Variants in ZNF200 observed in about 807,000 individuals in gnomAD.
ZNF200 encodes the protein zinc finger protein 200.
ZNF200 carries 35 observed loss-of-function variants against 33.6 expected under a neutral mutation model. The ratio of observed to expected loss-of-function variants is 1.04; its 90% CI spans 0.80 to 1.38. The LOEUF is 1.38. Ranked by LOEUF, ZNF200 falls within the 40% of genes most tolerant of loss-of-function variation. The pLI is 0.00. For synonymous variants in ZNF200, 209 were observed against 167.7 expected (o/e 1.25, Z -1.90); for missense variants, 592 against 470.6 (o/e 1.26, Z -2.39).
At position 3,223,392 on chromosome 16, in the gene ZNF200, C is replaced by G; in HGVS notation, c.*500G>C. 6.5e-6 allele frequency: 1 copy of G among 152,846 alleles called. No homozygotes were observed. The highest frequency in any genetic ancestry group is 1.9e-4 in the East Asian group (1 of 5,212). 9.5% of individuals were successfully genotyped at this position (152,846 alleles called of 1,614,324 possible). A position where few individuals can be genotyped will look rare whatever the true frequency, so the allele number is the denominator to read the frequency against. On this transcript the variant is annotated 3_prime_UTR_variant, in exon 5 of 5. Coordinates refer to ENST00000414144, the MANE Select transcript of ZNF200 (RefSeq NM_198088.3). ...TTCCTTTCAACACTCAAGACTTAAA[C>G]AGGTATTCTTAGAGGGTTATATGAA...
At chr16:3,226,030 A>C in intron 4 of ZNF200, 1 of 145,712 alleles carries the variant, frequency 6.9e-6, no homozygotes, top group Non-Finnish European at 1.5e-5. Flanking sequence ...CCCCACACCC[A>C]GCCTTAATTA....
In ZNF200 at chr16:3,232,408, T is replaced by G. The variant is rs1567223414; in HGVS notation, c.466+13A>C. The G allele has an allele frequency of 1.9e-6, 3 of 1,612,648 alleles. No individual in the cohort carries two copies. The highest frequency in any genetic ancestry group is 1.7e-4 in the Middle Eastern group (1 of 6,054). Reference sequence around the variant, plus strand: ...GCAAACAACCTGAACACACAAAGGCTGTGATTTCTTACCCAGTAACATCAT... The same window carrying G: ...GCAAACAACCTGAACACACAAAGGCGGTGATTTCTTACCCAGTAACATCAT... On this transcript the variant is annotated intron_variant, in intron 4 of 4. Transcript: ENST00000414144.
At position 3,224,609 on chromosome 16, in the gene ZNF200, G is replaced by A. The variant is rs1958420825; in HGVS notation, c.471C>T (p.Val157=). Residue 157 remains valine (V), a synonymous_variant, in exon 5 of 5, where the codon GTC becomes GTT. Transcript: ENST00000414144. ...CTTCACCTTCAGGATTACTGCCATT[G>A]ACTGCTGAAACAAAGAGAGAATTTA... ...SSVGEMMLLA[V]NGSNPEGEDP... 6.3e-7 allele frequency: 1 copy of A among 1,586,872 alleles called. No individual in the cohort carries two copies. Among genetic ancestry groups the A allele is most frequent in the South Asian group, 1.1e-5 (1 of 88,152 alleles).
chr16:3,224,498 C>A lies in ZNF200; in HGVS notation c.582G>T (p.Gln194His). ...DDEMDSSLVS[Q>H]QPPDNQEKER... is the part of the protein sequence containing the mutation. ...CCTTTTCCTGGTTATCGGGAGGCTG[C>A]TGAGAGACCAAGGAAGAATCCATTT... The change falls in exon 5 of 5, where the codon CAG becomes CAT. Residue 194 changes from glutamine (Q) to histidine (H), a missense_variant. By Grantham distance (24) the Gln-to-His change is conservative. Coordinates refer to ENST00000414144, the MANE Select transcript of ZNF200 (RefSeq NM_198088.3). 1 of 1,614,148 alleles carries A rather than the reference C, an allele frequency of 6.2e-7. No individual in the cohort carries two copies. Among genetic ancestry groups the A allele is most frequent in the Admixed American group, 1.7e-5 (1 of 60,010 alleles).
chr16:3,223,631 T>C lies in ZNF200; in HGVS notation c.*261A>G. 1 of 380,316 alleles carries C rather than the reference T, an allele frequency of 2.6e-6. No individual in the cohort carries two copies. The highest frequency in any genetic ancestry group is 4.6e-6 in the Non-Finnish European group (1 of 215,192). 23.6% of individuals were successfully genotyped at this position (380,316 alleles called of 1,614,324 possible). On this transcript the variant is annotated 3_prime_UTR_variant, in exon 5 of 5. Coordinates refer to ENST00000414144, the MANE Select transcript of ZNF200 (RefSeq NM_198088.3). ...GTGTTGGGAAAGGGGATCTGTGACC[T>C]GTACATTATCATATAACTTCAAAAA...
At chr16:3,227,826 T>C (rs374432008) in intron 4 of ZNF200, 1 of 152,208 alleles carries the variant, frequency 6.6e-6, no homozygotes, top group Non-Finnish European at 1.5e-5. Context: ...GGACAATTCT[T>C]TATACCAGTG....
chr16:3,232,939 TTTAG>T lies in ZNF200; in HGVS notation c.251-22_251-19del, dbSNP rs1596342624. On this transcript the variant is annotated intron_variant, in intron 2 of 4. Transcript: ENST00000414144. ...AGGATGCACTGGGGAAAGAGGAAGG[TTTAG>T]TTAGTGAAAAACTCAGTGACTCTAA... 2.5e-6 allele frequency: 4 copies of T among 1,611,030 alleles called. 1 individual carries two copies. Among genetic ancestry groups the T allele is most frequent in the East Asian group, 2.2e-5 (1 of 44,854 alleles).
chr16:3,224,181 C>A lies in ZNF200; in HGVS notation c.899G>T (p.Arg300Leu). The A allele has an allele frequency of 6.2e-7, 1 of 1,614,156 alleles. No individual in the cohort carries two copies. The highest frequency in any genetic ancestry group is 8.5e-7 in the Non-Finnish European group (1 of 1,180,038). ...NHKTNLNKHE[R>L]IHTGEKPYSC... ...ATAAGGTTTCTCTCCTGTATGAATTCGCTCATGTTTATTGAGGTTTGTTTT... is the reference window on the plus strand; with the variant it reads ...ATAAGGTTTCTCTCCTGTATGAATTAGCTCATGTTTATTGAGGTTTGTTTT... The change falls in exon 5 of 5, where the codon CGA (arginine) becomes CTA (leucine). Residue 300 changes from arginine to leucine, a missense_variant. Arg to Leu is a moderately radical substitution (Grantham distance 102). Transcript: ENST00000414144.
chr16:3,228,820 G>A (rs1415145144), intron 4 of ZNF200, among the ~76,000 whole-genome samples: 4 of 152,078 alleles, frequency 2.6e-5, no homozygotes, highest in South Asian at 4.1e-4. Flanking sequence ...ATTTCAACAC[G>A]AGATTTGGAG....
chr16:3,233,930 T>A, intron 1 of ZNF200, 94 bp from the exon 2 acceptor site: 2 of 959,308 alleles, frequency 2.1e-6, no homozygotes, highest in Non-Finnish European at 2.9e-6. Context: ...ACATGAGATC[T>A]AAAGAAAACG....
At position 3,223,905 on chromosome 16, in the gene ZNF200, C is replaced by T. The variant is rs61731422; in HGVS notation, c.1175G>A (p.Arg392Gln). 49,667 of 1,610,688 alleles carry T rather than the reference C, an allele frequency of 0.031. 872 individuals carry two copies. Among genetic ancestry groups the T allele is most frequent in the Non-Finnish European group, 0.036 (42,204 of 1,178,236 alleles). ...GGGTTCCCAGTATTACTTCTGCTTTCGGGTCTTACAGGCTGAGTGGGTTTT... is the reference window on the plus strand; with the variant it reads ...GGGTTCCCAGTATTACTTCTGCTTTTGGGTCTTACAGGCTGAGTGGGTTTT... ...HEKTHSACKTRKQK is the reference protein window; with the variant it reads ...HEKTHSACKTQKQK The change falls in exon 5 of 5, where the codon CGA becomes CAA. Residue 392 changes from arginine (R) to glutamine (Q), a missense_variant. By Grantham distance (43) the Arg-to-Gln change is conservative (BLOSUM62 1). Transcript: ENST00000414144.
At chr16:3,228,830 G>A (rs1411465048) in intron 4 of ZNF200, among the ~76,000 whole-genome samples, 1 of 152,070 alleles carries the variant, frequency 6.6e-6, no homozygotes, top group Non-Finnish European at 1.5e-5. Flanking sequence ...GAGATTTGGA[G>A]GGGACAAATA....
At chr16:3,234,890 C>G (rs1958762931) in intron 1 of ZNF200, 97 bp downstream of exon 1, 2 of 152,352 alleles carry the variant, frequency 1.3e-5, no homozygotes, top group African/African-American at 2.4e-5. Context: ...GAGGCGCTCA[C>G]CAGGCTCCCT....
Position 3,233,662 on chromosome 16 carries a change from G to T in ZNF200, c.94C>A (p.Leu32Ile). ...TTGGGCCCGTTAGTGGCATCTCGAA[G>T]TAGGTCTTGGCCCAGCTTGGAGTCT... ...PPDSKLGQDL[L>I]RDATNGPKTI... Residue 32 changes from leucine to isoleucine, a missense_variant, in exon 2 of 5, where the codon CTT (leucine) becomes ATT (isoleucine). By Grantham distance (5) the Leu-to-Ile change is conservative. Transcript: ENST00000414144. The T allele has an allele frequency of 6.2e-7, 1 of 1,613,944 alleles. No individual in the cohort carries two copies. Among genetic ancestry groups the T allele is most frequent in the South Asian group, 1.1e-5 (1 of 91,086 alleles).
Position 3,222,989 on chromosome 16 carries a change from A to G in ZNF200, c.*903T>C, listed in dbSNP as rs114316315. The G allele has an allele frequency of 1.2e-4, 19 of 152,364 alleles. No homozygotes were observed. Among genetic ancestry groups the G allele is most frequent in the African/African-American group, 4.6e-4 (19 of 41,572 alleles). 9.4% of individuals were successfully genotyped at this position (152,364 alleles called of 1,614,324 possible). A position where few individuals can be genotyped will look rare whatever the true frequency, so the allele number is the denominator to read the frequency against. On this transcript the variant is annotated 3_prime_UTR_variant, in exon 5 of 5. Coordinates refer to ENST00000414144, the MANE Select transcript of ZNF200 (RefSeq NM_198088.3). ...TGGTAAGGTTATTGATGAGACATGG[A>G]TCCAAGCCAACTTTTTCCTGCCTCC...
rs1446014483 is a variant in ZNF200, at chr16:3,232,441, A to G, written c.446T>C (p.Val149Ala). The G allele has an allele frequency of 1.2e-6, 2 of 1,613,886 alleles. No homozygotes were observed. Among genetic ancestry groups the G allele is most frequent in the Non-Finnish European group, 1.7e-6 (2 of 1,179,966 alleles). ...LTSEKEDDSS[V>A]GEMMLLAVNG... ...CTTACCCAGTAACATCATTTCCCCGACACTGCTGTCATCTTCCTTCTCTGA... is the reference window on the plus strand; with the variant it reads ...CTTACCCAGTAACATCATTTCCCCGGCACTGCTGTCATCTTCCTTCTCTGA... The change falls in exon 4 of 5, where the codon GTC (valine) becomes GCC (alanine). Residue 149 changes from valine to alanine, a missense_variant. Physicochemically the swap from Val to Ala is moderately conservative, Grantham distance 64 (BLOSUM62 0). Transcript: ENST00000414144.
chr16:3,234,479 GAA>G (rs1268249283), intron 1 of ZNF200, among the ~76,000 whole-genome samples: 2 of 152,128 alleles, frequency 1.3e-5, no homozygotes, highest in Non-Finnish European at 2.9e-5. Context: ...GAAAAAGAAA[GAA>G]AAGACAGAAA....
Position 3,233,752 on chromosome 16 carries a change from T to C in ZNF200, c.4A>G (p.Met2Val). 6.2e-7 allele frequency: 1 copy of C among 1,609,482 alleles called. No homozygotes were observed. The highest frequency in any genetic ancestry group is 1.1e-5 in the South Asian group (1 of 90,574). ...GGCATAGGAACCACTTTTGCAGCCA[T>C]CATGCCTTGCAACCACACACCACAC... is the stretch of plus-strand genomic sequence containing the variant. MMAAKVVPMPPK... is the reference protein window; with the variant it reads MVAAKVVPMPPK... The change falls in exon 2 of 5, where the codon ATG becomes GTG. Residue 2 changes from methionine (M) to valine (V), a missense_variant. Physicochemically the swap from Met to Val is conservative, Grantham distance 21 (BLOSUM62 1). Coordinates refer to ENST00000414144, the MANE Select transcript of ZNF200 (RefSeq NM_198088.3).
At chr16:3,233,910 T>G in intron 1 of ZNF200, 74 bp from the exon 2 acceptor site, 1 of 1,228,168 alleles carries the variant, frequency 8.1e-7, no homozygotes, top group Non-Finnish European at 1.1e-6. Flanking sequence ...GTGGCATGGC[T>G]GGTGAGGCTA....
Sources: allele counts gnomAD v4.1 joint callset (sites outside exome capture counted in the v4.1 genomes callset), GRCh38; gene constraint gnomAD v4.1.1; transcripts MANE v1.5; gene names NCBI Gene and HGNC (gene_info 2026-07-23, HGNC 2026-07-21).